The following MAP7 variants were observed in gnomAD, a reference collection of about 807,000 sequenced individuals.
MAP7 encodes microtubule associated protein 7, also known as ensconsin.
MAP7 carries 52 observed loss-of-function variants against 94.8 expected under a neutral mutation model. That is an observed-to-expected ratio of 0.55 (90% CI 0.44 to 0.69). The LOEUF is 0.69. Among genes scored for constraint, MAP7 ranks in the 30% least tolerant of loss-of-function variants. The pLI is 0.00. For missense variants in MAP7, 940 were observed against 964.6 expected (o/e 0.97, Z 0.34); for synonymous variants, 350 against 357.0 (o/e 0.98, Z 0.22).
At position 136,345,879 on chromosome 6, in the gene MAP7, C is replaced by T. The variant is rs747136258; in HGVS notation, c.2216G>A (p.Gly739Asp). 5.6e-6 allele frequency: 9 copies of T among 1,614,162 alleles called. No homozygotes were observed. Among genetic ancestry groups the T allele is most frequent in the Non-Finnish European group, 7.6e-6 (9 of 1,180,008 alleles). The change falls in exon 17 of 18, where the codon GGT becomes GAT. Residue 739 changes from glycine (G) to aspartate (D), a missense_variant. Transcript: ENST00000354570. Reference sequence around the variant, plus strand: ...ACCTGCAGTCTGCTGTGTCTGAACACCATCTACCTGAGGCAGGGGCCCAAG... The same window carrying T: ...ACCTGCAGTCTGCTGTGTCTGAACATCATCTACCTGAGGCAGGGGCCCAAG... ...GTLGPLPQVDGVQTQQTAEVI is the reference protein window; with the variant it reads ...GTLGPLPQVDDVQTQQTAEVI
chr6:136,399,988 T>C (rs1005276229), intron 3 of MAP7, among the ~76,000 whole-genome samples: 2 of 152,188 alleles, frequency 1.3e-5, no homozygotes, highest in Non-Finnish European at 2.9e-5. Context: ...ATTAATAGAA[T>C]GGAAAAGTTT....
At chr6:136,417,752 G>A (rs1048542351) in intron 2 of MAP7, among the ~76,000 whole-genome samples, 2 of 152,118 alleles carry the variant, frequency 1.3e-5, no homozygotes, top group Non-Finnish European at 2.9e-5. Flanking sequence ...ACGCACCATG[G>A]CAGCTACAGT....
At chr6:136,481,501 A>C in intron 1 of MAP7, among the ~76,000 whole-genome samples, 1 of 152,218 alleles carries the variant, frequency 6.6e-6, no homozygotes, top group East Asian at 1.9e-4. Flanking sequence ...TAAGTGAAAT[A>C]AGCGAGGGAC....
At chr6:136,459,010 GGTTA>G (rs1562425127) in intron 1 of MAP7, among the ~76,000 whole-genome samples, 1 of 151,934 alleles carries the variant, frequency 6.6e-6, no homozygotes, top group East Asian at 1.9e-4. Context: ...TCTGATGAGG[GGTTA>G]GTATTTAAAA....
chr6:136,413,675 G>A (rs1039436726), intron 2 of MAP7, among the ~76,000 whole-genome samples: 1 of 151,980 alleles, frequency 6.6e-6, no homozygotes, highest in Non-Finnish European at 1.5e-5. Context: ...GCTGTGGCAC[G>A]ATCATGGCTT....
Position 136,526,369 on chromosome 6 carries a change from A to G in MAP7, c.67+23973T>C, listed in dbSNP as rs561715483. On this transcript the variant is annotated intron_variant, in intron 1 of 17. Transcript: ENST00000354570. Reference sequence around the variant, plus strand: ...CTCCCACCACTGCACAACCTGTTCAATCAGATCCCAGCTTCTTCCTGCTGC... The same window carrying G: ...CTCCCACCACTGCACAACCTGTTCAGTCAGATCCCAGCTTCTTCCTGCTGC... 5.3e-4 allele frequency: 530 copies of G among 992,590 alleles called. 5 individuals carry two copies. In the South Asian group the frequency reaches 0.022, roughly 40 times the overall value. The allele number at this position is 992,590 out of a possible 1,614,324, so 61.5% of individuals were successfully genotyped here. A position where few individuals can be genotyped will look rare whatever the true frequency, so the allele number is the denominator to read the frequency against.
chr6:136,512,393 T>G (rs1250178523), intron 1 of MAP7, among the ~76,000 whole-genome samples: 1 of 152,194 alleles, frequency 6.6e-6, no homozygotes, highest in Non-Finnish European at 1.5e-5. Flanking sequence ...AATACCAAAG[T>G]TTCTAAGACT....
In MAP7 at chr6:136,550,220, G is replaced by A. The variant is rs574787637; in HGVS notation, c.67+122C>T. On this transcript the variant is annotated intron_variant, in intron 1 of 17. Coordinates refer to ENST00000354570, the MANE Select transcript of MAP7 (RefSeq NM_003980.6). The surrounding 1 kb of genome is among the most constrained non-coding windows in gnomAD (Gnocchi z 5.1). Reference sequence around the variant, plus strand: ...CGCGGCGCGCAGGGCCGGTTGTTCCGGGCCGCGGCCGCGCGGGCGGGGAGG... The same window carrying A: ...CGCGGCGCGCAGGGCCGGTTGTTCCAGGCCGCGGCCGCGCGGGCGGGGAGG... 1,438 of 841,786 alleles carry A rather than the reference G, an allele frequency of 1.7e-3. 18 individuals carry two copies. In the African/African-American group the frequency reaches 0.024, roughly 14 times the overall value. The allele number at this position is 841,786 out of a possible 1,614,324, so 52.1% of individuals were successfully genotyped here. A position where few individuals can be genotyped will look rare whatever the true frequency, so the allele number is the denominator to read the frequency against.
chr6:136,406,840 AAAC>A (rs909411033), intron 3 of MAP7, among the ~76,000 whole-genome samples: 4 of 152,116 alleles, frequency 2.6e-5, no homozygotes, highest in Admixed American at 6.5e-5. Flanking sequence ...AAAACAAACA[AAAC>A]AACAACAACA....
At chr6:136,394,931 C>CATATATATATATATATATATATA (rs1781895555) in intron 3 of MAP7, among the ~76,000 whole-genome samples, 1 of 27,494 alleles carries the variant, frequency 3.6e-5, no homozygotes, top group African/African-American at 8.6e-5. Context: ...AATATTCCAT[C>CATATATATATATATATATATATA]ATATATATAT....
At chr6:136,429,921 A>G (rs1204153323) in intron 1 of MAP7, among the ~76,000 whole-genome samples, 13 of 152,212 alleles carry the variant, frequency 8.5e-5, no homozygotes, top group Admixed American at 2.6e-4. Context: ...CACCAGTCAC[A>G]ATGCTAGCTA....
rs763170088 is a variant in MAP7 at position 136,519,580 on chromosome 6, A to T, written c.67+30762T>A. On this transcript the variant is annotated intron_variant, in intron 1 of 17. Transcript: ENST00000354570. ...CTTATCTGATAGGAATATAAATGGT[A>T]AACACTAGATTATATTTCGTTTGGA... Among the ~76,000 whole-genome samples, 375 of 152,374 alleles carry T rather than the reference A, an allele frequency of 2.5e-3. 3 individuals are homozygous for T. The highest frequency in any genetic ancestry group is 3.7e-3 in the Non-Finnish European group (251 of 68,036).
chr6:136,460,711 G>C (rs1804919726), intron 1 of MAP7, among the ~76,000 whole-genome samples: 1 of 152,062 alleles, frequency 6.6e-6, no homozygotes, highest in South Asian at 2.1e-4. Flanking sequence ...GCCATCCTGG[G>C]ACTAGACTCT....
intron 1 of MAP7, among the ~76,000 whole-genome samples, chr6:136,514,213 A>G (rs1053554849): frequency 3.3e-5 from 5 of 152,244 alleles, no homozygotes; most frequent in African/African-American, 4.8e-5. Flanking sequence ...CTTAAGTGAT[A>G]AGACTTGAAA....
At chr6:136,493,087 TC>T (rs1379765499) in intron 1 of MAP7, among the ~76,000 whole-genome samples, 3 of 151,074 alleles carry the variant, frequency 2.0e-5, no homozygotes, top group Non-Finnish European at 2.9e-5. Context: ...TCATGTGTCT[TC>T]CCAGTTTTTT....
intron 1 of MAP7, among the ~76,000 whole-genome samples, chr6:136,460,127 G>GT (rs1804694021): frequency 6.6e-6 from 1 of 152,108 alleles, no homozygotes; most frequent in Non-Finnish European, 1.5e-5. Context: ...ATCCATTAAA[G>GT]TAACATGTGT....
At chr6:136,415,919 A>G (rs1225896083) in intron 2 of MAP7, among the ~76,000 whole-genome samples, 1 of 152,212 alleles carries the variant, frequency 6.6e-6, no homozygotes, top group African/African-American at 2.4e-5. Flanking sequence ...GTGATACACT[A>G]GATGATTTTG....
chr6:136,507,634 G>T (rs1821972797), intron 1 of MAP7, among the ~76,000 whole-genome samples: 1 of 152,102 alleles, frequency 6.6e-6, no homozygotes, highest in Non-Finnish European at 1.5e-5. Flanking sequence ...AACTAAGAAA[G>T]CTTTCCAAAT....
chr6:136,439,241 T>C (rs1562401152), intron 1 of MAP7, among the ~76,000 whole-genome samples: 1 of 152,152 alleles, frequency 6.6e-6, no homozygotes, highest in Admixed American at 6.6e-5. Flanking sequence ...TTAGTACCCT[T>C]ATAAAAAGGG....
Sources: gnomAD v4.1 joint callset for allele counts (sites outside exome capture counted in the v4.1 genomes callset) on GRCh38, gnomAD v4.1.1 for gene constraint, Gnocchi (gnomAD v3.1) non-coding constraint, MANE v1.5 for transcripts, NCBI Gene and HGNC (gene_info 2026-07-23, HGNC 2026-07-21) for gene names.